PDE10A: variants seen among roughly 807,000 people sequenced by gnomAD.
PDE10A encodes the protein cAMP and cAMP-inhibited cGMP 3',5'-cyclic phosphodiesterase 10A.
In PDE10A, 39 loss-of-function variants were observed where a neutral mutation model predicts 97.7. The observed-to-expected ratio is 0.40, with a 90% CI of 0.31 to 0.52. The LOEUF (loss-of-function observed/expected upper bound fraction) is 0.52. Among genes scored for constraint, PDE10A ranks in the 20% least tolerant of loss-of-function variants. The probability of loss-of-function intolerance (pLI) is 0.56; values close to 1 mark genes in which losing one functional copy is unlikely to be tolerated. For missense variants in PDE10A, 731 were observed against 1,047.8 expected, an observed-to-expected ratio of 0.70 and a Z score of 4.17; for synonymous variants, 371 against 376.8, an observed-to-expected ratio of 0.98 and a Z score of 0.18.
chr6:165,856,926 T>G (rs1452818179), intron 1 of PDE10A, among the ~76,000 whole-genome samples: 1 of 152,212 alleles, frequency 6.6e-6, no homozygotes, highest in Non-Finnish European at 1.5e-5. Context: ...ACTCAAAAAC[T>G]TTTTAGACCT....
intron 5 of PDE10A, among the ~76,000 whole-genome samples, chr6:165,441,001 A>G (rs1272090429): frequency 6.6e-6 from 1 of 152,240 alleles, no homozygotes; most frequent in African/African-American, 2.4e-5. Context: ...AAATTCAGTC[A>G]TGAAAAAATT....
chr6:165,557,676 A>T (rs1784324172), intron 1 of PDE10A, among the ~76,000 whole-genome samples: 1 of 152,218 alleles, frequency 6.6e-6, no homozygotes, highest in Admixed American at 6.5e-5. Context: ...ATGTTTGATT[A>T]TCAATTCACC....
chr6:165,536,631 A>G (rs1783102636), intron 2 of PDE10A, among the ~76,000 whole-genome samples: 1 of 151,968 alleles, frequency 6.6e-6, no homozygotes, highest in Admixed American at 6.6e-5. Flanking sequence ...GCAAAAAATT[A>G]GCAAAAGATC....
At chr6:165,871,633 C>G (rs941363820) in intron 1 of PDE10A, among the ~76,000 whole-genome samples, 1 of 152,212 alleles carries the variant, frequency 6.6e-6, no homozygotes, top group Non-Finnish European at 1.5e-5. Context: ...AGGGAGATGT[C>G]TGGCGAAAGT....
At chr6:165,554,460 G>A (rs1784155436) in intron 1 of PDE10A, among the ~76,000 whole-genome samples, 1 of 152,126 alleles carries the variant, frequency 6.6e-6, no homozygotes, top group Non-Finnish European at 1.5e-5. Flanking sequence ...AAGCTACAAT[G>A]AGATATCATC....
At chr6:165,634,252 C>A (rs560882059) in intron 1 of PDE10A, among the ~76,000 whole-genome samples, 3 of 151,464 alleles carry the variant, frequency 2.0e-5, no homozygotes, top group Non-Finnish European at 4.4e-5. Context: ...CACTGAAGAT[C>A]GTGTGTGTGT....
rs931203580 is a variant in PDE10A at position 165,543,318 on chromosome 6, T to C, written c.994+122A>G. The C allele has an allele frequency of 1.1e-5, 7 of 625,274 alleles. No individual in the cohort carries two copies. In the African/African-American group the frequency reaches 1.1e-4, roughly 10 times the overall value. 38.7% of individuals were successfully genotyped at this position (625,274 alleles called of 1,614,324 possible). A position where few individuals can be genotyped will look rare whatever the true frequency, so the allele number is the denominator to read the frequency against. On this transcript the variant is annotated intron_variant, in intron 2 of 21. Coordinates refer to ENST00000539869, the MANE Select transcript of PDE10A (RefSeq NM_001385079.1). ...ATCTTTTTAAATGGAATAACTCTGA[T>C]AGAATTACAGTGTTAATATTTGTCT...
chr6:165,774,597 T>C (rs1778114239), intron 1 of PDE10A, among the ~76,000 whole-genome samples: 1 of 147,704 alleles, frequency 6.8e-6, no homozygotes, highest in Non-Finnish European at 1.5e-5. Context: ...ATGTATATAG[T>C]ATATAAAAGT....
chr6:165,830,344 C>T (rs117536369), intron 1 of PDE10A, among the ~76,000 whole-genome samples: 5,559 of 152,314 alleles, frequency 0.036, 138 homozygotes, highest in Middle Eastern at 0.078. Flanking sequence ...ACTGGAGAAA[C>T]AAGCCAAACA....
rs1463078103 is a variant in PDE10A, at chr6:165,371,251, GA to G, written c.2783+7942del. Among the ~76,000 whole-genome samples, 5 of 152,036 alleles carry G rather than the reference GA, an allele frequency of 3.3e-5. No homozygotes were observed. The East Asian group carries it at 9.6e-4, about 29-fold the overall frequency. ...AATCAGAGCAGAACTGAAGGAAATAGAGACACAAAAAACATTTCAAAAAATT... is the reference window on the plus strand; with the variant it reads ...AATCAGAGCAGAACTGAAGGAAATAGGACACAAAAAACATTTCAAAAAATT... On this transcript the variant is annotated intron_variant, in intron 18 of 21. Transcript: ENST00000539869.
intron 1 of PDE10A, among the ~76,000 whole-genome samples, chr6:165,741,213 G>T (rs74554310): frequency 6.6e-6 from 1 of 151,948 alleles, no homozygotes; most frequent in Admixed American, 6.6e-5. Context: ...CAGTATGTAC[G>T]TATACCAAAA....
intron 1 of PDE10A, among the ~76,000 whole-genome samples, chr6:165,608,955 G>T (rs931921892): frequency 8.6e-5 from 13 of 151,994 alleles, no homozygotes; most frequent in African/African-American, 3.1e-4. Context: ...TTTGTGATGG[G>T]GTTGTTTTTT....
intron 1 of PDE10A, among the ~76,000 whole-genome samples, chr6:165,816,875 A>G (rs1053080484): frequency 9.2e-5 from 14 of 152,010 alleles, no homozygotes; most frequent in African/African-American, 3.4e-4. Context: ...GGGACAGTGG[A>G]AGAGTGCAGG....
At chr6:165,961,875 C>A (rs1460165663) in intron 1 of PDE10A, among the ~76,000 whole-genome samples, 1 of 152,196 alleles carries the variant, frequency 6.6e-6, no homozygotes. Flanking sequence ...GCACAACCTG[C>A]AGTAAAAGGT....
At chr6:165,883,415 GC>G (rs1781541081) in intron 1 of PDE10A, among the ~76,000 whole-genome samples, 1 of 151,946 alleles carries the variant, frequency 6.6e-6, no homozygotes, top group Non-Finnish European at 1.5e-5. Context: ...GGTGACAGCT[GC>G]CTGTAATCCC....
chr6:165,681,643 G>GT (rs564781237), intron 1 of PDE10A, among the ~76,000 whole-genome samples: 1 of 152,100 alleles, frequency 6.6e-6, no homozygotes, highest in African/African-American at 2.4e-5. Flanking sequence ...ATTTTATATA[G>GT]TTTTTTCCTT....
intron 1 of PDE10A, among the ~76,000 whole-genome samples, chr6:165,716,594 GACA>G (rs1299520497): frequency 6.6e-6 from 1 of 152,212 alleles, no homozygotes; most frequent in Non-Finnish European, 1.5e-5. Flanking sequence ...GCAGAGTGAT[GACA>G]ACATTTGGAT....
intron 6 of PDE10A, among the ~76,000 whole-genome samples, chr6:165,434,560 G>A (rs908076603): frequency 2.6e-5 from 4 of 152,154 alleles, no homozygotes; most frequent in Non-Finnish European, 5.9e-5. Context: ...TACTGAGTCT[G>A]GGCCTGTCTA....
At chr6:165,535,540 CA>C (rs1166682542) in intron 2 of PDE10A, among the ~76,000 whole-genome samples, 1 of 151,790 alleles carries the variant, frequency 6.6e-6, no homozygotes, top group East Asian at 1.9e-4. Flanking sequence ...CATGTTGCTG[CA>C]AAAGACATGA....
Sources: gnomAD v4.1 joint callset for allele counts (sites outside exome capture counted in the v4.1 genomes callset) on GRCh38, gnomAD v4.1.1 for gene constraint, MANE v1.5 for transcripts, NCBI Gene and HGNC (gene_info 2026-07-23, HGNC 2026-07-21) for gene names.